Variants in ABCD3 observed in about 807,000 individuals in gnomAD.
The protein encoded by ABCD3 is ATP binding cassette subfamily D member 3.
ABCD3 carries 41 observed loss-of-function variants against 105.5 expected under a neutral mutation model. The observed-to-expected ratio is 0.39, with a 90% CI of 0.30 to 0.50. The LOEUF (loss-of-function observed/expected upper bound fraction) is 0.50, where lower values mean the gene tolerates loss of function less well. Ranked by LOEUF, ABCD3 falls within the 20% of genes least tolerant of loss-of-function variation. ABCD3 has a pLI of 0.84. For synonymous variants in ABCD3, 258 were observed against 269.0 expected, an observed-to-expected ratio of 0.96 and a Z score of 0.40; for missense variants, 622 against 806.3, an observed-to-expected ratio of 0.77 and a Z score of 2.77.
At chr1:94,441,975 A>G (rs1261332840) in intron 1 of ABCD3, among the ~76,000 whole-genome samples, 1 of 152,192 alleles carries the variant, frequency 6.6e-6, no homozygotes, top group Non-Finnish European at 1.5e-5. Flanking sequence ...TGTTAATTTC[A>G]TGATTTTGAT....
chr1:94,412,855 T>C, the ABCD3 span, among the ~76,000 whole-genome samples: 2 of 152,236 alleles, frequency 1.3e-5, no homozygotes, highest in Non-Finnish European at 1.5e-5. Context: ...AATCCTTTCA[T>C]ATGTTTAAGA....
At chr1:94,444,926 C>T (rs1660291480) in intron 1 of ABCD3, among the ~76,000 whole-genome samples, 1 of 152,172 alleles carries the variant, frequency 6.6e-6, no homozygotes, top group Admixed American at 6.5e-5. Flanking sequence ...GGAATGAGGG[C>T]AAGGGACACC....
chr1:94,499,762 C>CT, intron 20 of ABCD3, 148 bp downstream of exon 20: 2 of 1,009,560 alleles, frequency 2.0e-6, no homozygotes, highest in South Asian at 1.5e-5. Flanking sequence ...GCTTGAAAAT[C>CT]TTTAACTTGC....
the ABCD3 span, among the ~76,000 whole-genome samples, chr1:94,399,952 G>A: frequency 2.0e-5 from 3 of 152,172 alleles, no homozygotes; most frequent in Non-Finnish European, 4.4e-5. Flanking sequence ...TCTGGAGGCT[G>A]AGGTGATTGG....
chr1:94,488,155 T>C (rs1649357266), intron 13 of ABCD3, among the ~76,000 whole-genome samples, 172 bp downstream of exon 13: 1 of 152,180 alleles, frequency 6.6e-6, no homozygotes, highest in South Asian at 2.1e-4. Context: ...TCATGTTTCT[T>C]GAGGACAGCT....
At chr1:94,456,957 A>G (rs369645478) in intron 1 of ABCD3, among the ~76,000 whole-genome samples, 10 of 152,254 alleles carry the variant, frequency 6.6e-5, no homozygotes, top group Admixed American at 3.3e-4. Context: ...AAGTATGAGT[A>G]TTATCCCATT....
Position 94,506,543 on chromosome 1 carries a change from A to G in ABCD3, c.1746A>G (p.Ala582=). ...SGGEKQRMAM[A]RLFYHKPQFA... ...AAATTTTTTTTATGCTTCAGATGGC[A>G]AGATTATTTTATCATAAACCCCAGT... Residue 582 remains alanine, a synonymous_variant, in exon 21 of 23, where the codon GCA becomes GCG. Coordinates refer to ENST00000370214, the MANE Select transcript of ABCD3 (RefSeq NM_002858.4). 1.2e-6 allele frequency: 2 copies of G among 1,612,062 alleles called. No homozygotes were observed. The highest frequency in any genetic ancestry group is 1.1e-5 in the South Asian group (1 of 91,062).
At chr1:94,441,374 T>C (rs1361330552) in intron 1 of ABCD3, among the ~76,000 whole-genome samples, 1 of 152,192 alleles carries the variant, frequency 6.6e-6, no homozygotes, top group East Asian at 1.9e-4. Context: ...GGTGAGGCTG[T>C]GAAGAAACTG....
At chr1:94,406,461 T>C in the ABCD3 span, 1 of 405,464 alleles carries the variant, frequency 2.5e-6, no homozygotes, top group Non-Finnish European at 4.9e-6. Context: ...TCTCACAAAG[T>C]GTGCTTCTCT....
intron 1 of ABCD3, among the ~76,000 whole-genome samples, chr1:94,442,827 C>G (rs746636188): frequency 6.6e-6 from 1 of 152,100 alleles, no homozygotes; most frequent in Non-Finnish European, 1.5e-5. Flanking sequence ...AGTAGTATTC[C>G]ATGGTATATA....
At chr1:94,476,498 C>T (rs1648747307) in intron 7 of ABCD3, among the ~76,000 whole-genome samples, 1 of 152,162 alleles carries the variant, frequency 6.6e-6, no homozygotes. Flanking sequence ...TGTGACTTCC[C>T]TTGGTGTTGG....
chr1:94,475,453 T>C (rs779325953), intron 6 of ABCD3, among the ~76,000 whole-genome samples, 161 bp from the exon 7 acceptor site: 1 of 152,166 alleles, frequency 6.6e-6, no homozygotes, highest in Non-Finnish European at 1.5e-5. Flanking sequence ...ACTTGTGTCC[T>C]CCTCTCTAAA....
chr1:94,452,334 G>A (rs941398394), intron 1 of ABCD3, among the ~76,000 whole-genome samples: 6 of 152,216 alleles, frequency 3.9e-5, no homozygotes, highest in Admixed American at 1.3e-4. Context: ...AAATAGTGGG[G>A]TGAGAGAGAG....
chr1:94,401,889 A>G, the ABCD3 span, among the ~76,000 whole-genome samples: 2 of 152,230 alleles, frequency 1.3e-5, no homozygotes, highest in Admixed American at 6.5e-5. Context: ...GTAAATACCC[A>G]TAAAACCACC....
chr1:94,442,620 G>A (rs569438582), intron 1 of ABCD3, among the ~76,000 whole-genome samples: 49 of 152,104 alleles, frequency 3.2e-4, no homozygotes, highest in African/African-American at 1.1e-3. Context: ...CCCTCACCCC[G>A]CCACCCTCCC....
chr1:94,418,386 C>G, upstream of ABCD3: 1 of 1,162,196 alleles, frequency 8.6e-7, no homozygotes, highest in Admixed American at 2.0e-5. Context: ...CCTCTGCTCT[C>G]CTCCCAGTCT....
At chr1:94,432,932 G>T (rs1659745930) in intron 1 of ABCD3, among the ~76,000 whole-genome samples, 1 of 150,956 alleles carries the variant, frequency 6.6e-6, no homozygotes, top group African/African-American at 2.4e-5. Context: ...TCGGCTCACT[G>T]CAACCTCTGC....
intron 1 of ABCD3, among the ~76,000 whole-genome samples, chr1:94,450,678 G>A (rs1660546875): frequency 6.6e-6 from 1 of 152,148 alleles, no homozygotes; most frequent in Non-Finnish European, 1.5e-5. Flanking sequence ...CAGCTCTGAA[G>A]GCTGTGAGAC....
At chr1:94,456,440 T>G (rs1189726292) in intron 1 of ABCD3, among the ~76,000 whole-genome samples, 2 of 150,990 alleles carry the variant, frequency 1.3e-5, no homozygotes, top group Non-Finnish European at 3.0e-5. Flanking sequence ...CACACTGGAC[T>G]ATTTTTTTTT....
Sources: gnomAD v4.1 joint callset for allele counts (sites outside exome capture counted in the v4.1 genomes callset) on GRCh38, gnomAD v4.1.1 for gene constraint, MANE v1.5 for transcripts, NCBI Gene and HGNC (gene_info 2026-07-23, HGNC 2026-07-21) for gene names.